Variants in NKAIN2 observed in about 807,000 individuals in gnomAD.
NKAIN2 encodes the protein sodium/potassium transporting ATPase interacting 2, also known as sodium/potassium-transporting ATPase subunit beta-1-interacting protein 2.
A neutral mutation model predicts 32.6 loss-of-function variants in NKAIN2; 14 were observed. The observed-to-expected ratio is 0.43, with a 90% CI of 0.28 to 0.67. The LOEUF (loss-of-function observed/expected upper bound fraction) is 0.67. Ranked by LOEUF, NKAIN2 falls within the 30% of genes least tolerant of loss-of-function variation. The probability of loss-of-function intolerance (pLI) is 0.17; values close to 1 mark genes in which losing one functional copy is unlikely to be tolerated. For synonymous variants in NKAIN2, 80 were observed against 87.2 expected, an observed-to-expected ratio of 0.92 and a Z score of 0.46; for missense variants, 198 against 258.3, an observed-to-expected ratio of 0.77 and a Z score of 1.60.
chr6:124,058,630 G>A (rs1426112044), intron 1 of NKAIN2, among the ~76,000 whole-genome samples: 1 of 151,918 alleles, frequency 6.6e-6, no homozygotes, highest in East Asian at 1.9e-4. Context: ...TTAAATGGGT[G>A]GTCAGAAAAC....
intron 1 of NKAIN2, among the ~76,000 whole-genome samples, chr6:124,218,534 A>T (rs182853652): frequency 2.0e-5 from 3 of 152,362 alleles, no homozygotes; most frequent in African/African-American, 7.2e-5. Flanking sequence ...CCCAAGCTGC[A>T]TCTATAAAAC....
chr6:124,367,461 G>C (rs1379637245), intron 3 of NKAIN2, among the ~76,000 whole-genome samples: 2 of 152,090 alleles, frequency 1.3e-5, no homozygotes, highest in Non-Finnish European at 2.9e-5. Context: ...GTCGATTCCA[G>C]CACTCTGTGG....
intron 1 of NKAIN2, among the ~76,000 whole-genome samples, chr6:124,006,137 A>G (rs1008846772): frequency 6.6e-6 from 1 of 152,198 alleles, no homozygotes; most frequent in Non-Finnish European, 1.5e-5. Flanking sequence ...TGAAGTTCTC[A>G]GGAGAGGAGC....
At chr6:124,193,543 G>A (rs1260190179) in intron 1 of NKAIN2, among the ~76,000 whole-genome samples, 4 of 152,180 alleles carry the variant, frequency 2.6e-5, no homozygotes, top group Non-Finnish European at 5.9e-5. Context: ...GGCTCTGGGA[G>A]CTCCTATGTC....
At chr6:124,649,822 A>G (rs1239325621) in intron 3 of NKAIN2, among the ~76,000 whole-genome samples, 2 of 152,218 alleles carry the variant, frequency 1.3e-5, no homozygotes, top group East Asian at 1.9e-4. Context: ...TTCAAAATTC[A>G]TGTAATACAT....
chr6:124,530,660 T>C (rs1274122972), intron 3 of NKAIN2, among the ~76,000 whole-genome samples: 2 of 152,200 alleles, frequency 1.3e-5, no homozygotes, highest in African/African-American at 4.8e-5. Context: ...CTCTGTAAGC[T>C]GGAGACCCAG....
chr6:124,321,391 C>A (rs916936231), intron 2 of NKAIN2, among the ~76,000 whole-genome samples: 5 of 152,086 alleles, frequency 3.3e-5, no homozygotes, highest in African/African-American at 1.2e-4. Flanking sequence ...ATGGGTGCAG[C>A]AAACCACCAT....
chr6:124,595,902 G>A (rs986082371), intron 3 of NKAIN2, among the ~76,000 whole-genome samples: 2 of 152,120 alleles, frequency 1.3e-5, no homozygotes, highest in Non-Finnish European at 1.5e-5. Context: ...AACTAGTAAG[G>A]CCAAACTGAT....
At chr6:124,375,488 G>C (rs1017078569) in intron 3 of NKAIN2, among the ~76,000 whole-genome samples, 7 of 149,316 alleles carry the variant, frequency 4.7e-5, no homozygotes, top group African/African-American at 1.7e-4. Flanking sequence ...ATGCGTCAAA[G>C]GAATAGCATT....
chr6:124,589,538 G>A (rs1000760687), intron 3 of NKAIN2, among the ~76,000 whole-genome samples: 17 of 151,892 alleles, frequency 1.1e-4, no homozygotes, highest in South Asian at 1.0e-3. Flanking sequence ...AAGACTTCCA[G>A]GGAAAAAAAT....
chr6:124,233,208 A>G (rs543309634), intron 1 of NKAIN2, among the ~76,000 whole-genome samples: 3 of 152,272 alleles, frequency 2.0e-5, no homozygotes, highest in Admixed American at 2.0e-4. Context: ...ATTTTAAAAG[A>G]CAAAGTTACC....
At chr6:123,891,968 C>T (rs1360266583) in intron 1 of NKAIN2, among the ~76,000 whole-genome samples, 2 of 152,158 alleles carry the variant, frequency 1.3e-5, no homozygotes, top group African/African-American at 4.8e-5. Flanking sequence ...ATGCTTTTAT[C>T]TCCTTTGGAG....
At chr6:124,172,380 T>C (rs954554530) in intron 1 of NKAIN2, among the ~76,000 whole-genome samples, 2 of 152,182 alleles carry the variant, frequency 1.3e-5, no homozygotes, top group Admixed American at 6.5e-5. Context: ...CCATGAATTT[T>C]GAATTCTAAT....
intron 1 of NKAIN2, among the ~76,000 whole-genome samples, chr6:124,112,754 C>T (rs1785440952): frequency 6.6e-6 from 1 of 151,586 alleles, no homozygotes. Context: ...AAATTTTTTT[C>T]TATTCTTTTT....
chr6:124,018,621 C>G (rs1275515545), intron 1 of NKAIN2, among the ~76,000 whole-genome samples: 1 of 152,148 alleles, frequency 6.6e-6, no homozygotes, highest in Non-Finnish European at 1.5e-5. Flanking sequence ...TGAAGCATAA[C>G]AAGAGTCACC....
At chr6:124,749,118 T>C (rs931469512) in intron 4 of NKAIN2, among the ~76,000 whole-genome samples, 2 of 151,964 alleles carry the variant, frequency 1.3e-5, no homozygotes, top group African/African-American at 4.8e-5. Context: ...AGTCCTCATT[T>C]CCTTGCTATC....
chr6:124,407,799 T>G (rs946716521), intron 3 of NKAIN2, among the ~76,000 whole-genome samples: 80 of 151,532 alleles, frequency 5.3e-4, no homozygotes, highest in Non-Finnish European at 6.9e-4. Flanking sequence ...TGAACTAGTT[T>G]ACAGTCCCAC....
At chr6:124,423,184 A>G (rs972764457) in intron 3 of NKAIN2, among the ~76,000 whole-genome samples, 6 of 152,152 alleles carry the variant, frequency 3.9e-5, no homozygotes, top group Non-Finnish European at 7.4e-5. Context: ...ATTTTTTCAT[A>G]TTTTAGTGAC....
chr6:124,457,888 T>C (rs1776383806), intron 3 of NKAIN2, among the ~76,000 whole-genome samples: 1 of 151,924 alleles, frequency 6.6e-6, no homozygotes, highest in African/African-American at 2.4e-5. Context: ...TAGAGGCATA[T>C]CTACTTTATA....
Sources: gnomAD v4.1 joint callset for allele counts (sites outside exome capture counted in the v4.1 genomes callset) on GRCh38, gnomAD v4.1.1 for gene constraint, MANE v1.5 for transcripts, NCBI Gene and HGNC (gene_info 2026-07-23, HGNC 2026-07-21) for gene names.